Variants in CPA6 observed in about 807,000 individuals in gnomAD.
The protein encoded by CPA6 is carboxypeptidase B.
Under a neutral mutation model 63.3 loss-of-function variants are expected in CPA6, and 58 were observed. The ratio of observed to expected loss-of-function variants is 0.92; its 90% CI spans 0.74 to 1.14. The LOEUF (loss-of-function observed/expected upper bound fraction) is 1.14, where lower values mean the gene tolerates loss of function less well. CPA6 is among the 50% of genes most tolerant of loss of function. The pLI is 0.00. For missense variants in CPA6, 565 were observed against 526.6 expected (o/e 1.07, Z -0.71); for synonymous variants, 185 against 179.0 (o/e 1.03, Z -0.27).
At chr8:67,552,665 C>A (rs1461108258) in intron 2 of CPA6, among the ~76,000 whole-genome samples, 5 of 146,976 alleles carry the variant, frequency 3.4e-5, no homozygotes, top group African/African-American at 1.0e-4. Flanking sequence ...CCCAGCTACT[C>A]GGGAGGCTGA....
intron 1 of CPA6, among the ~76,000 whole-genome samples, chr8:67,716,593 T>C (rs140734395): frequency 2.0e-5 from 3 of 152,210 alleles, no homozygotes; most frequent in Non-Finnish European, 2.9e-5. Flanking sequence ...TTGTCAAAGA[T>C]GAACAGAAGA....
chr8:67,612,354 A>T (rs1274313087), intron 2 of CPA6, among the ~76,000 whole-genome samples: 1 of 152,210 alleles, frequency 6.6e-6, no homozygotes, highest in Non-Finnish European at 1.5e-5. Flanking sequence ...ACACAGAGGC[A>T]TCTTCTGACT....
intron 1 of CPA6, among the ~76,000 whole-genome samples, chr8:67,723,837 G>A (rs1182023859): frequency 6.6e-6 from 1 of 152,102 alleles, no homozygotes; most frequent in East Asian, 1.9e-4. Flanking sequence ...TATTTAGAGT[G>A]GGAGCAATAT....
chr8:67,503,423 A>G (rs1366636459), intron 6 of CPA6, among the ~76,000 whole-genome samples: 1 of 151,320 alleles, frequency 6.6e-6, no homozygotes, highest in African/African-American at 2.4e-5. Context: ...CAGCCTCTGG[A>G]GTAGCTGGGA....
chr8:67,514,698 C>T (rs745708815), intron 3 of CPA6, among the ~76,000 whole-genome samples: 3 of 152,142 alleles, frequency 2.0e-5, no homozygotes, highest in Admixed American at 6.5e-5. Context: ...TATTTAATGA[C>T]AGGAAATAGA....
chr8:67,531,601 C>T (rs1812479263), intron 2 of CPA6, among the ~76,000 whole-genome samples: 1 of 151,996 alleles, frequency 6.6e-6, no homozygotes, highest in Non-Finnish European at 1.5e-5. Context: ...TATACACTGA[C>T]AAACCACTCA....
chr8:67,726,032 C>T (rs539301871), intron 1 of CPA6, among the ~76,000 whole-genome samples: 7 of 152,220 alleles, frequency 4.6e-5, no homozygotes, highest in African/African-American at 1.4e-4. Flanking sequence ...TTTCAACATT[C>T]CTTAACCAGA....
At chr8:67,657,082 G>A (rs1186737569) in intron 1 of CPA6, among the ~76,000 whole-genome samples, 7 of 152,168 alleles carry the variant, frequency 4.6e-5, no homozygotes, top group African/African-American at 1.4e-4. Context: ...TCCGGATTCA[G>A]GACTGGCAGG....
At chr8:67,556,663 A>G (rs769994127) in intron 2 of CPA6, among the ~76,000 whole-genome samples, 2 of 152,076 alleles carry the variant, frequency 1.3e-5, no homozygotes, top group East Asian at 1.9e-4. Context: ...CTATGAGCAC[A>G]CTCCAGGAAA....
At chr8:67,726,838 CT>C (rs779768766) in intron 1 of CPA6, among the ~76,000 whole-genome samples, 15 of 152,170 alleles carry the variant, frequency 9.9e-5, no homozygotes, top group Non-Finnish European at 2.1e-4. Context: ...CCATTTAATG[CT>C]TCATTGGAAT....
rs139214378 is a variant in CPA6 at position 67,678,739 on chromosome 8, C to G, written c.117-54488G>C. Among the ~76,000 whole-genome samples, 68 of 152,284 alleles carry G rather than the reference C, an allele frequency of 4.5e-4. No individual in the cohort carries two copies. In the Middle Eastern group the frequency reaches 0.031, roughly 69 times the overall value. On this transcript the variant is annotated intron_variant, in intron 1 of 10. Transcript: ENST00000297770. ...CTCGTAGAGCTACCCGATGACTCAG[C>G]AATTCATACCATATACCCAACAGAA...
chr8:67,685,763 T>C (rs1816698066), intron 1 of CPA6, among the ~76,000 whole-genome samples: 1 of 152,268 alleles, frequency 6.6e-6, no homozygotes, highest in South Asian at 2.1e-4. Flanking sequence ...ATATACCACA[T>C]CATCTCCCTG....
chr8:67,437,171 G>A (rs1810179727), intron 8 of CPA6, among the ~76,000 whole-genome samples: 1 of 152,138 alleles, frequency 6.6e-6, no homozygotes, highest in African/African-American at 2.4e-5. Context: ...CGAGGCGGGC[G>A]GATCACGAGG....
intron 7 of CPA6, among the ~76,000 whole-genome samples, 155 bp from the exon 8 acceptor site, chr8:67,484,013 G>C (rs1284871527): frequency 6.6e-6 from 1 of 152,072 alleles, no homozygotes; most frequent in East Asian, 1.9e-4. Context: ...CACTGGATTA[G>C]TAGTGGAGAC....
chr8:67,502,930 TGAAAA>T (rs1311807406), intron 6 of CPA6, among the ~76,000 whole-genome samples: 8 of 152,226 alleles, frequency 5.3e-5, no homozygotes, highest in Admixed American at 1.3e-4. Flanking sequence ...TATAGGCACT[TGAAAA>T]GAAAGTGTAT....
intron 1 of CPA6, among the ~76,000 whole-genome samples, chr8:67,681,407 C>T (rs1174842830): frequency 3.3e-5 from 5 of 150,774 alleles, no homozygotes; most frequent in Non-Finnish European, 5.9e-5. Context: ...GACGGGGTTT[C>T]ACCTTGTTAG....
chr8:67,472,483 G>T (rs1384132898), intron 8 of CPA6, among the ~76,000 whole-genome samples: 2 of 151,430 alleles, frequency 1.3e-5, no homozygotes, highest in African/African-American at 4.9e-5. Flanking sequence ...GGAGTGCAGT[G>T]GCACAGCCTG....
chr8:67,538,231 G>A (rs1405243564), intron 2 of CPA6, among the ~76,000 whole-genome samples: 1 of 152,168 alleles, frequency 6.6e-6, no homozygotes, highest in Non-Finnish European at 1.5e-5. Context: ...TTCAAATCCT[G>A]AATATCCTTA....
intron 8 of CPA6, among the ~76,000 whole-genome samples, chr8:67,453,400 T>C (rs6472303): frequency 0.086 from 13,017 of 152,156 alleles, 1,383 homozygotes; most frequent in African/African-American, 0.25. Flanking sequence ...AGAATGGCTA[T>C]AGGAAGAGCC....
Sources: gnomAD v4.1 joint callset for allele counts (sites outside exome capture counted in the v4.1 genomes callset) on GRCh38, gnomAD v4.1.1 for gene constraint, MANE v1.5 for transcripts, NCBI Gene and HGNC (gene_info 2026-07-23, HGNC 2026-07-21) for gene names.